Variants in ERBB4 observed in about 807,000 individuals in gnomAD.
ERBB4 encodes erb-b2 receptor tyrosine kinase 4.
Under a neutral mutation model 158.0 loss-of-function variants are expected in ERBB4, and 42 were observed. The observed-to-expected ratio is 0.27, with a 90% CI of 0.21 to 0.34. ERBB4 has a LOEUF of 0.34. ERBB4 is among the 10% of genes least tolerant of loss of function. ERBB4 has a pLI of 1.00. For missense variants in ERBB4, 1,333 were observed against 1,624.1 expected, an observed-to-expected ratio of 0.82 and a Z score of 3.08; for synonymous variants, 583 against 558.7, an observed-to-expected ratio of 1.04 and a Z score of -0.61.
At chr2:212,059,677 A>G (rs2077698722) in intron 2 of ERBB4, among the ~76,000 whole-genome samples, 1 of 152,242 alleles carries the variant, frequency 6.6e-6, no homozygotes, top group South Asian at 2.1e-4. Context: ...AACCTGACAA[A>G]AACAAGAAAT....
At chr2:212,204,041 T>C (rs1574426838) in intron 1 of ERBB4, among the ~76,000 whole-genome samples, 1 of 152,236 alleles carries the variant, frequency 6.6e-6, no homozygotes, top group East Asian at 1.9e-4. Flanking sequence ...ATAAAGATTA[T>C]CAACTTAAAA....
At chr2:212,341,312 T>C (rs901840409) in intron 1 of ERBB4, among the ~76,000 whole-genome samples, 15 of 152,044 alleles carry the variant, frequency 9.9e-5, no homozygotes, top group South Asian at 2.1e-4. Context: ...AACATGATTT[T>C]CATAGAAATC....
At chr2:212,228,013 T>C (rs1247528862) in intron 1 of ERBB4, among the ~76,000 whole-genome samples, 2 of 152,174 alleles carry the variant, frequency 1.3e-5, no homozygotes, top group South Asian at 2.1e-4. Flanking sequence ...GTTCAGATCA[T>C]GTTACATTAA....
intron 2 of ERBB4, among the ~76,000 whole-genome samples, chr2:212,060,226 C>T (rs2077717049): frequency 6.6e-6 from 1 of 152,210 alleles, no homozygotes; most frequent in South Asian, 2.1e-4. Flanking sequence ...TCATGACTGG[C>T]CATCAGAGAA....
chr2:212,524,817 A>C lies in ERBB4; in HGVS notation c.82+13632T>G, dbSNP rs1692359586. ...CTGTGACACTATTCATATTTCTATT[A>C]TTTTAAAACACTTATGGAAAAATTA... On this transcript the variant is annotated intron_variant, in intron 1 of 27. Coordinates refer to ENST00000342788, the MANE Select transcript of ERBB4 (RefSeq NM_005235.3). Among the ~76,000 whole-genome samples, 5 of 152,150 alleles carry C rather than the reference A, an allele frequency of 3.3e-5. No homozygotes were observed. In the South Asian group the frequency reaches 1.0e-3, roughly 31 times the overall value.
At chr2:212,477,597 G>A (rs1025385981) in intron 1 of ERBB4, among the ~76,000 whole-genome samples, 2 of 152,116 alleles carry the variant, frequency 1.3e-5, no homozygotes, top group African/African-American at 4.8e-5. Context: ...TAAATGATAA[G>A]AAAACATGTT....
Position 212,155,278 on chromosome 2 carries a change from CAT to C in ERBB4, c.83-30377_83-30376del, listed in dbSNP as rs1294161116. ...CACATTTTAAATACTGTATGTATAACATATATTTATTTAAATAATAATTATTA... is the reference window on the plus strand; with the variant it reads ...CACATTTTAAATACTGTATGTATAACATATTTATTTAAATAATAATTATTA... On this transcript the variant is annotated intron_variant, in intron 1 of 27. Coordinates refer to ENST00000342788, the MANE Select transcript of ERBB4 (RefSeq NM_005235.3). 2.6e-5 allele frequency among the ~76,000 whole-genome samples: 4 copies of C among 151,904 alleles called. 1 individual carries two copies. Among genetic ancestry groups the C allele is most frequent in the Middle Eastern group, 6.8e-3 (2 of 292 alleles).
chr2:211,706,617 A>G (rs892185620), intron 9 of ERBB4, among the ~76,000 whole-genome samples: 1 of 150,874 alleles, frequency 6.6e-6, no homozygotes, highest in Non-Finnish European at 1.5e-5. Context: ...AAAAAAAAAC[A>G]AAAAAAACTT....
At chr2:211,991,062 A>C (rs2082064078) in intron 2 of ERBB4, among the ~76,000 whole-genome samples, 1 of 151,972 alleles carries the variant, frequency 6.6e-6, no homozygotes, top group Admixed American at 6.6e-5. Flanking sequence ...ATTCAAAAAC[A>C]AGCCATTAAA....
rs73067293 is a variant in ERBB4, at chr2:211,478,176, A to G, written c.2488-47076T>C. Among the ~76,000 whole-genome samples, 882 of 152,298 alleles carry G rather than the reference A, an allele frequency of 5.8e-3. 11 individuals carry two copies. The highest frequency in any genetic ancestry group is 0.02 in the African/African-American group (813 of 41,566). On this transcript the variant is annotated intron_variant, in intron 20 of 27. Coordinates refer to ENST00000342788, the MANE Select transcript of ERBB4 (RefSeq NM_005235.3). Reference sequence around the variant, plus strand: ...TGCAAAATCTACAGAATGAGAACTGAGCAAGGTATTAGGAACACAGCACTA... The same window carrying G: ...TGCAAAATCTACAGAATGAGAACTGGGCAAGGTATTAGGAACACAGCACTA...
chr2:211,510,677 G>A (rs1208104560), intron 20 of ERBB4, among the ~76,000 whole-genome samples: 1 of 151,998 alleles, frequency 6.6e-6, no homozygotes, highest in African/African-American at 2.4e-5. Context: ...CTGAAAAGCT[G>A]TATGATTATT....
rs147130720 is a variant in ERBB4, at chr2:212,343,994, C to A, written c.82+194455G>T. 9.7e-3 allele frequency among the ~76,000 whole-genome samples: 1,468 copies of A among 151,946 alleles called. 28 individuals are homozygous for A. The highest frequency in any genetic ancestry group is 0.033 in the African/African-American group (1,385 of 41,442). ...TAATTGCTTTATCTTAAAAGCAAAC[C>A]CTGCATATTCTGTCTTCCAGAGAAT... is the stretch of plus-strand genomic sequence containing the variant. On this transcript the variant is annotated intron_variant, in intron 1 of 27. Coordinates refer to ENST00000342788, the MANE Select transcript of ERBB4 (RefSeq NM_005235.3).
At chr2:211,465,314 C>T (rs1469937165) in intron 20 of ERBB4, among the ~76,000 whole-genome samples, 1 of 152,090 alleles carries the variant, frequency 6.6e-6, no homozygotes, top group African/African-American at 2.4e-5. Flanking sequence ...AACAGAAGCA[C>T]CTCCCAGCTG....
At chr2:211,529,281 T>A (rs964157460) in intron 20 of ERBB4, among the ~76,000 whole-genome samples, 1 of 151,536 alleles carries the variant, frequency 6.6e-6, no homozygotes, top group African/African-American at 2.4e-5. Context: ...CCTAGACACA[T>A]ACAACCTACC....
chr2:212,111,488 G>A (rs1464266958), intron 2 of ERBB4, among the ~76,000 whole-genome samples: 1 of 152,036 alleles, frequency 6.6e-6, no homozygotes, highest in African/African-American at 2.4e-5. Context: ...TCACAATTTT[G>A]TTGCATCTTA....
At chr2:211,961,335 G>C (rs558272344) in intron 2 of ERBB4, among the ~76,000 whole-genome samples, 1 of 152,232 alleles carries the variant, frequency 6.6e-6, no homozygotes, top group South Asian at 2.1e-4. Context: ...TTTGTTAGCA[G>C]CCCTTTTTAT....
intron 20 of ERBB4, among the ~76,000 whole-genome samples, chr2:211,534,755 G>C (rs541898929): frequency 1.3e-5 from 2 of 152,190 alleles, no homozygotes; most frequent in Admixed American, 1.3e-4. Context: ...ACTGAGCCCT[G>C]CTGCATACTG....
At chr2:211,728,016 T>C (rs964723019) in intron 5 of ERBB4, among the ~76,000 whole-genome samples, 1 of 151,956 alleles carries the variant, frequency 6.6e-6, no homozygotes. Context: ...TCTATTAGTA[T>C]CCTGGTACAA....
Position 211,679,167 on chromosome 2 carries a change from A to C in ERBB4, c.1507T>G (p.Cys503Gly). Residue 503 changes from cysteine (C) to glycine (G), a missense_variant, in exon 13 of 28, where the codon TGC becomes GGC. By Grantham distance (159) the Cys-to-Gly change is radical. This residue lies in a region of ERBB4 where 245 missense variants were observed against 247.5 expected (regional missense o/e 0.99). Transcript: ENST00000342788. ...AENCTAEGMV[C>G]NHLCSSDGCW... ...CCATCACTGGAACACAGATGGTTGC[A>C]CACCATTCCTTCAGCAGCTGTGAAA... The C allele has an allele frequency of 6.2e-7, 1 of 1,613,844 alleles. No individual in the cohort carries two copies. The highest frequency in any genetic ancestry group is 8.5e-7 in the Non-Finnish European group (1 of 1,179,864).
Sources: gnomAD v4.1 joint callset for allele counts (sites outside exome capture counted in the v4.1 genomes callset) on GRCh38, gnomAD v4.1.1 for gene constraint, gnomAD v4.1.1 regional missense constraint, MANE v1.5 for transcripts, NCBI Gene and HGNC (gene_info 2026-07-23, HGNC 2026-07-21) for gene names.